Variants in FOCAD observed in about 807,000 individuals in gnomAD.
FOCAD encodes the protein KIAA1797.
A neutral mutation model predicts 225.6 loss-of-function variants in FOCAD; 198 were observed. The observed-to-expected ratio is 0.88, with a 90% CI of 0.78 to 0.99. The LOEUF (loss-of-function observed/expected upper bound fraction) is 0.99, where lower values mean the gene tolerates loss of function less well. Ranked by LOEUF, FOCAD falls within the 50% of genes least tolerant of loss-of-function variation. The pLI is 0.00. For synonymous variants in FOCAD, 897 were observed against 755.0 expected (o/e 1.19, Z -3.08); for missense variants, 2,713 against 2,123.6 (o/e 1.28, Z -5.46).
At chr9:20,712,730 CTTTTTTTTT>C (rs71334550) in intron 1 of FOCAD, among the ~76,000 whole-genome samples, 3 of 93,322 alleles carry the variant, frequency 3.2e-5, no homozygotes, top group Non-Finnish European at 5.8e-5. Flanking sequence ...CTCCTATATT[CTTTTTTTTT>C]TTTTTTTTTT....
intron 15 of FOCAD, among the ~76,000 whole-genome samples, chr9:20,826,076 G>A (rs1326437596): frequency 6.6e-6 from 1 of 152,036 alleles, no homozygotes; most frequent in Non-Finnish European, 1.5e-5. Flanking sequence ...AAAAATTACA[G>A]CTACTATTTC....
At chr9:20,706,341 A>C (rs1000517252) in intron 1 of FOCAD, among the ~76,000 whole-genome samples, 2 of 152,160 alleles carry the variant, frequency 1.3e-5, no homozygotes, top group African/African-American at 4.8e-5. Context: ...CCATTTCAAA[A>C]TCTGTAAGTA....
intron 28 of FOCAD, among the ~76,000 whole-genome samples, chr9:20,939,055 C>T (rs1179416146): frequency 1.4e-5 from 2 of 145,982 alleles, no homozygotes; most frequent in Non-Finnish European, 3.0e-5. Flanking sequence ...GAGGCTGAGG[C>T]AGTAGTATGG....
chr9:20,772,411 A>G (rs1473444141), intron 8 of FOCAD, among the ~76,000 whole-genome samples: 1 of 152,042 alleles, frequency 6.6e-6, no homozygotes. Flanking sequence ...TTGTGGTGGA[A>G]CTCTGGGGTG....
At chr9:20,833,079 C>T (rs886439885) in intron 15 of FOCAD, among the ~76,000 whole-genome samples, 4 of 151,998 alleles carry the variant, frequency 2.6e-5, no homozygotes, top group African/African-American at 9.7e-5. Flanking sequence ...TTAAGAACCT[C>T]TATACTGTTT....
intron 2 of FOCAD, 58 bp downstream of exon 2, chr9:20,715,468 T>G: frequency 1.1e-6 from 1 of 902,860 alleles, no homozygotes; most frequent in Middle Eastern, 3.2e-4. Flanking sequence ...CTGTGGATTT[T>G]TAACTGAACT....
At chr9:20,695,582 A>C (rs562340156) in intron 1 of FOCAD, among the ~76,000 whole-genome samples, 1 of 152,194 alleles carries the variant, frequency 6.6e-6, no homozygotes, top group Non-Finnish European at 1.5e-5. Flanking sequence ...AACATTTGAC[A>C]TAAAGCTTGT....
At chr9:20,750,285 G>A (rs1157288273) in intron 5 of FOCAD, among the ~76,000 whole-genome samples, 3 of 152,016 alleles carry the variant, frequency 2.0e-5, no homozygotes, top group African/African-American at 7.2e-5. Flanking sequence ...GCACTGAAAG[G>A]GAAACAAAAA....
rs184681654 is a variant in FOCAD at position 20,746,111 on chromosome 9, A to T, written c.392+5771A>T. ...AATAGCAAGTCCAAGATAAATACTG[A>T]TTTAAGTGCGCAAAGACCAGTGTGT... On this transcript the variant is annotated intron_variant, in intron 5 of 43. Transcript: ENST00000338382. 1.3e-3 allele frequency among the ~76,000 whole-genome samples: 203 copies of T among 152,344 alleles called. 1 individual carries two copies. Among genetic ancestry groups the T allele is most frequent in the African/African-American group, 4.6e-3 (193 of 41,592 alleles).
chr9:20,767,893 C>T (rs966173715), intron 7 of FOCAD, among the ~76,000 whole-genome samples: 10 of 152,000 alleles, frequency 6.6e-5, no homozygotes, highest in Non-Finnish European at 1.3e-4. Context: ...GACATGAAGT[C>T]CTTGCCCATG....
intron 15 of FOCAD, among the ~76,000 whole-genome samples, chr9:20,858,573 T>C (rs1405242504): frequency 3.3e-5 from 5 of 152,158 alleles, no homozygotes; most frequent in Non-Finnish European, 7.4e-5. Context: ...CATTAATCTT[T>C]TTGTTGCTTT....
intron 2 of FOCAD, among the ~76,000 whole-genome samples, chr9:20,678,200 A>G (rs28406730): frequency 0.023 from 3,555 of 152,308 alleles, 145 homozygotes; most frequent in African/African-American, 0.082. Flanking sequence ...TATTTTTAGC[A>G]TGGGGATTAC....
At chr9:20,893,051 G>A (rs530118235) in intron 21 of FOCAD, among the ~76,000 whole-genome samples, 1 of 152,112 alleles carries the variant, frequency 6.6e-6, no homozygotes, top group Non-Finnish European at 1.5e-5. Flanking sequence ...ACCTCACTAT[G>A]TTGCCCAGGC....
intron 5 of FOCAD, among the ~76,000 whole-genome samples, chr9:20,752,759 A>C (rs1367668474): frequency 6.6e-6 from 1 of 152,064 alleles, no homozygotes; most frequent in Non-Finnish European, 1.5e-5. Context: ...CAGTATGGCC[A>C]TTTTCACGAT....
chr9:20,944,634 T>A lies in FOCAD; in HGVS notation c.3415T>A (p.Cys1139Ser). 1 of 1,612,110 alleles carries A rather than the reference T, an allele frequency of 6.2e-7. No homozygotes were observed. The highest frequency in any genetic ancestry group is 8.5e-7 in the Non-Finnish European group (1 of 1,178,818). ...TCTTTTTTGGCTTCCAAGCACGGGC[T>A]GTATATTGGGAGTTGGACTTGTTCT... ...FDTSLEYNTG[C>S]ILGVGLVLSL... Residue 1139 changes from cysteine (C) to serine (S), a missense_variant, in exon 29 of 44, where the codon TGT (cysteine) becomes AGT (serine). Coordinates refer to ENST00000338382, the MANE Select transcript of FOCAD (RefSeq NM_001375567.1).
chr9:20,723,865 G>C (rs969248478), intron 4 of FOCAD, among the ~76,000 whole-genome samples: 3 of 152,076 alleles, frequency 2.0e-5, no homozygotes, highest in Non-Finnish European at 2.9e-5. Flanking sequence ...TCTACAGGCT[G>C]TACAGGAAGC....
At chr9:20,688,484 A>G (rs540832202) in intron 1 of FOCAD, among the ~76,000 whole-genome samples, 4 of 152,266 alleles carry the variant, frequency 2.6e-5, no homozygotes, top group South Asian at 2.1e-4. Flanking sequence ...AGGTCACACA[A>G]TTGGTGCTGT....
chr9:20,822,465 T>G (rs895777132), intron 14 of FOCAD, among the ~76,000 whole-genome samples: 2 of 152,144 alleles, frequency 1.3e-5, no homozygotes, highest in South Asian at 4.1e-4. Context: ...TGAATGAATT[T>G]AGCACAGTGC....
chr9:20,799,043 C>T (rs374263303), intron 11 of FOCAD, among the ~76,000 whole-genome samples: 1 of 152,120 alleles, frequency 6.6e-6, no homozygotes, highest in African/African-American at 2.4e-5. Context: ...TTCTGGTATG[C>T]TGTGTCTTTG....
Sources: gnomAD v4.1 joint callset for allele counts (sites outside exome capture counted in the v4.1 genomes callset) on GRCh38, gnomAD v4.1.1 for gene constraint, MANE v1.5 for transcripts, NCBI Gene and HGNC (gene_info 2026-07-23, HGNC 2026-07-21) for gene names.